Variants in SLC25A13 observed in about 807,000 individuals in gnomAD.
SLC25A13 encodes the protein solute carrier family 25 member 13.
In SLC25A13, 70 loss-of-function variants were observed where a neutral mutation model predicts 85.5. The ratio of observed to expected loss-of-function variants is 0.82; its 90% CI spans 0.68 to 1.00. The LOEUF (loss-of-function observed/expected upper bound fraction) is 1.00, where lower values mean the gene tolerates loss of function less well. SLC25A13 is among the 50% of genes least tolerant of loss of function. SLC25A13 has a pLI of 0.00. For synonymous variants in SLC25A13, 259 were observed against 288.7 expected (o/e 0.90, Z 1.04); for missense variants, 765 against 819.8 (o/e 0.93, Z 0.82).
At chr7:96,154,260 T>C (rs902245579) in intron 13 of SLC25A13, among the ~76,000 whole-genome samples, 1 of 151,228 alleles carries the variant, frequency 6.6e-6, no homozygotes, top group Non-Finnish European at 1.5e-5. Context: ...AATGGAAAGA[T>C]CCAAATACGT....
intron 5 of SLC25A13, among the ~76,000 whole-genome samples, chr7:96,195,646 A>G (rs1795031129): frequency 1.3e-5 from 2 of 152,142 alleles, no homozygotes; most frequent in Non-Finnish European, 1.5e-5. Context: ...CCCCAGAGGA[A>G]CTAGTCTTAG....
chr7:96,188,425 C>G (rs1017412940), intron 9 of SLC25A13, among the ~76,000 whole-genome samples: 4 of 152,198 alleles, frequency 2.6e-5, no homozygotes, highest in African/African-American at 9.7e-5. Context: ...AAAAGTGTAG[C>G]CTGCAGCAAC....
At chr7:96,186,753 T>A (rs1453271220) in intron 9 of SLC25A13, among the ~76,000 whole-genome samples, 2 of 152,220 alleles carry the variant, frequency 1.3e-5, no homozygotes, top group African/African-American at 4.8e-5. Flanking sequence ...GTATTTGTCA[T>A]ATGATTCTTT....
At chr7:96,157,027 T>A (rs1038725289) in intron 13 of SLC25A13, among the ~76,000 whole-genome samples, 26 of 152,194 alleles carry the variant, frequency 1.7e-4, no homozygotes, top group African/African-American at 6.3e-4. Context: ...CATCTCCATA[T>A]GACAGTTTTG....
intron 1 of SLC25A13, among the ~76,000 whole-genome samples, chr7:96,313,799 A>G (rs1800033757): frequency 6.6e-6 from 1 of 151,950 alleles, no homozygotes; most frequent in South Asian, 2.1e-4. Flanking sequence ...ACATTTAAAA[A>G]AAAAGAAAGT....
chr7:96,294,283 G>A (rs1799253205), intron 2 of SLC25A13, among the ~76,000 whole-genome samples: 1 of 151,944 alleles, frequency 6.6e-6, no homozygotes, highest in Non-Finnish European at 1.5e-5. Context: ...CCTGTTGTGG[G>A]GTGGGGGGAG....
At chr7:96,173,302 A>G (rs1225865418) in intron 11 of SLC25A13, among the ~76,000 whole-genome samples, 1 of 152,190 alleles carries the variant, frequency 6.6e-6, no homozygotes, top group Non-Finnish European at 1.5e-5. Context: ...AAATGTATTA[A>G]CTCATTTAGT....
chr7:96,121,966 A>T lies in SLC25A13; in HGVS notation c.1623T>A (p.Ala541=). ...CCTGTAATCTCGTCTTGATAACATC[A>T]GCAGGGGTCACTAAAGATGCTGCAG... is the stretch of plus-strand genomic sequence containing the variant. ...GMPAASLVTP[A]DVIKTRLQVA... The change falls in exon 16 of 18, where the codon GCT becomes GCA. Residue 541 remains alanine (A), a synonymous_variant. Coordinates refer to ENST00000265631, the MANE Select transcript of SLC25A13 (RefSeq NM_014251.3). The T allele has an allele frequency of 6.2e-7, 1 of 1,614,162 alleles. No individual in the cohort carries two copies. The highest frequency in any genetic ancestry group is 1.1e-5 in the South Asian group (1 of 91,080).
At chr7:96,123,257 C>G (rs779563581) in intron 15 of SLC25A13, among the ~76,000 whole-genome samples, 1 of 152,078 alleles carries the variant, frequency 6.6e-6, no homozygotes, top group Non-Finnish European at 1.5e-5. Flanking sequence ...AACTTTGGGC[C>G]AGGAATTTAT....
chr7:96,229,084 G>C (rs1405678510), intron 4 of SLC25A13, among the ~76,000 whole-genome samples: 1 of 152,236 alleles, frequency 6.6e-6, no homozygotes, highest in African/African-American at 2.4e-5. Flanking sequence ...CCCAAGGGCT[G>C]AGGAGTGCAG....
chr7:96,207,214 G>C (rs1332361839), intron 5 of SLC25A13, among the ~76,000 whole-genome samples: 1 of 152,088 alleles, frequency 6.6e-6, no homozygotes, highest in African/African-American at 2.4e-5. Context: ...GTTTCCAAAG[G>C]CCTGGAAAAT....
chr7:96,210,530 C>T (rs1034432436), intron 4 of SLC25A13, among the ~76,000 whole-genome samples: 2 of 152,122 alleles, frequency 1.3e-5, no homozygotes, highest in East Asian at 1.9e-4. Context: ...ATTTCTTGGG[C>T]ACTCACCATG....
chr7:96,162,178 A>G (rs1793532902), intron 13 of SLC25A13, among the ~76,000 whole-genome samples: 1 of 152,216 alleles, frequency 6.6e-6, no homozygotes, highest in Admixed American at 6.5e-5. Flanking sequence ...TCGCGAAGTA[A>G]GACTTAAATC....
intron 15 of SLC25A13, among the ~76,000 whole-genome samples, chr7:96,124,433 T>G (rs1439185754): frequency 1.3e-5 from 2 of 152,188 alleles, no homozygotes; most frequent in Non-Finnish European, 2.9e-5. Flanking sequence ...CTTCATACTT[T>G]GAAGCTGAGA....
intron 4 of SLC25A13, among the ~76,000 whole-genome samples, chr7:96,209,193 GA>G (rs1795590207): frequency 1.3e-5 from 2 of 152,068 alleles, no homozygotes; most frequent in African/African-American, 4.8e-5. Flanking sequence ...TAAAGGGGGG[GA>G]AAATCAAGAA....
chr7:96,182,848 T>TA lies in SLC25A13; in HGVS notation c.1177+1428dup, dbSNP rs536480557. On this transcript the variant is annotated intron_variant, in intron 11 of 17. Coordinates refer to ENST00000265631, the MANE Select transcript of SLC25A13 (RefSeq NM_014251.3). ...AAGGCATCCTTGACATTTAATCTAA[T>TA]ACCAAGAAAAGCCCAAAAAGTAGTT... Among the ~76,000 whole-genome samples the TA allele has an allele frequency of 1.1e-3, 161 of 152,304 alleles. 1 individual carries two copies. Among genetic ancestry groups the TA allele is most frequent in the African/African-American group, 3.6e-3 (150 of 41,552 alleles).
chr7:96,250,739 C>CAAA (rs57574466), intron 3 of SLC25A13, among the ~76,000 whole-genome samples: 7 of 118,374 alleles, frequency 5.9e-5, no homozygotes, highest in African/African-American at 9.7e-5. Flanking sequence ...AGACCTGTTA[C>CAAA]AAAAAAAAAA....
intron 3 of SLC25A13, among the ~76,000 whole-genome samples, chr7:96,240,747 G>GAA (rs531256400): frequency 0.012 from 1,532 of 129,820 alleles, 17 homozygotes; most frequent in Non-Finnish European, 0.017. Flanking sequence ...CCATCTACTA[G>GAA]AAAAAAAAAA....
intron 4 of SLC25A13, among the ~76,000 whole-genome samples, chr7:96,216,513 G>A (rs13234212): frequency 1.3e-5 from 2 of 152,076 alleles, no homozygotes; most frequent in African/African-American, 4.8e-5. Flanking sequence ...GCCTATCAAC[G>A]ATAGAGTGGA....
Sources: gnomAD v4.1 joint callset for allele counts (sites outside exome capture counted in the v4.1 genomes callset) on GRCh38, gnomAD v4.1.1 for gene constraint, MANE v1.5 for transcripts, NCBI Gene and HGNC (gene_info 2026-07-23, HGNC 2026-07-21) for gene names.